The following MYRIP variants were observed in gnomAD, a reference collection of about 807,000 sequenced individuals.
The protein encoded by MYRIP is rab effector MyRIP.
MYRIP carries 49 observed loss-of-function variants against 98.0 expected under a neutral mutation model. The observed-to-expected ratio is 0.50, with a 90% CI of 0.40 to 0.63. MYRIP has a LOEUF of 0.63. Among genes scored for constraint, MYRIP ranks in the 30% least tolerant of loss-of-function variants. MYRIP has a pLI of 0.00. For synonymous variants in MYRIP, 404 were observed against 409.5 expected (o/e 0.99, Z 0.16); for missense variants, 1,004 against 1,058.2 (o/e 0.95, Z 0.71).
intron 1 of MYRIP, among the ~76,000 whole-genome samples, chr3:39,826,272 C>G (rs1941264670): frequency 6.6e-6 from 1 of 151,714 alleles, no homozygotes; most frequent in Admixed American, 6.6e-5. Context: ...TATTTGAAAT[C>G]TTTCTACTTT....
rs1953711840 is a variant in MYRIP at position 40,259,822 on chromosome 3, A to G, written c.*1656A>G. On this transcript the variant is annotated 3_prime_UTR_variant, in exon 17 of 17. Transcript: ENST00000302541. ...AAGCAAAACAAACAAACAAAAACAA[A>G]TTTTAAGAACACAACAAAAAAGATT... 1.3e-5 allele frequency: 2 copies of G among 152,668 alleles called. No homozygotes were observed. Among genetic ancestry groups the G allele is most frequent in the Admixed American group, 1.3e-4 (2 of 15,278 alleles). The allele number at this position is 152,668 out of a possible 1,614,324, so 9.5% of individuals were successfully genotyped here.
intron 1 of MYRIP, among the ~76,000 whole-genome samples, chr3:39,816,329 G>A (rs972943593): frequency 1.6e-4 from 24 of 152,164 alleles, no homozygotes; most frequent in African/African-American, 5.8e-4. Flanking sequence ...TGATCCACCC[G>A]CCTCGGCCTC....
chr3:39,881,353 G>T (rs755988535), intron 1 of MYRIP, among the ~76,000 whole-genome samples: 21 of 152,180 alleles, frequency 1.4e-4, no homozygotes, highest in Non-Finnish European at 2.5e-4. Flanking sequence ...ACCTTAACAA[G>T]TGGGGAGATT....
chr3:40,115,609 C>G (rs1362688291), intron 3 of MYRIP, among the ~76,000 whole-genome samples: 1 of 152,118 alleles, frequency 6.6e-6, no homozygotes, highest in Non-Finnish European at 1.5e-5. Flanking sequence ...GGATACAGAG[C>G]CAAACCACAT....
chr3:39,817,235 A>G (rs1184668059), intron 1 of MYRIP, among the ~76,000 whole-genome samples: 1 of 152,216 alleles, frequency 6.6e-6, no homozygotes, highest in Non-Finnish European at 1.5e-5. Context: ...TAAACCTGGT[A>G]AGGATCGAAA....
chr3:40,137,770 G>A (rs1056332277), intron 3 of MYRIP, among the ~76,000 whole-genome samples: 1 of 152,092 alleles, frequency 6.6e-6, no homozygotes, highest in African/African-American at 2.4e-5. Flanking sequence ...CACATGCTGG[G>A]TGCTCAGTAT....
chr3:40,017,670 ATAAAT>A lies in MYRIP; in HGVS notation c.111-26379_111-26375del, dbSNP rs375127094. ...CCTGGAAAAGAGCTGAGAGTCTAAAATAAATAAAGAAATAATTTACTTCTTTTTTT... is the reference window on the plus strand; with the variant it reads ...CCTGGAAAAGAGCTGAGAGTCTAAAAAAAGAAATAATTTACTTCTTTTTTT... On this transcript the variant is annotated intron_variant, in intron 2 of 16. Transcript: ENST00000302541. Among the ~76,000 whole-genome samples, 243 of 152,000 alleles carry A rather than the reference ATAAAT, an allele frequency of 1.6e-3. 2 individuals are homozygous for A. The highest frequency in any genetic ancestry group is 5.7e-3 in the African/African-American group (238 of 41,430).
intron 1 of MYRIP, among the ~76,000 whole-genome samples, chr3:39,877,691 G>A (rs544203915): frequency 4.6e-5 from 7 of 152,068 alleles, no homozygotes; most frequent in Non-Finnish European, 1.0e-4. Flanking sequence ...CTGTCTGATC[G>A]TTCCTCTGGA....
intron 3 of MYRIP, among the ~76,000 whole-genome samples, chr3:40,077,643 T>C (rs1948377958): frequency 6.8e-6 from 1 of 146,750 alleles, no homozygotes; most frequent in Admixed American, 6.7e-5. Flanking sequence ...AGATACAGAG[T>C]GCCAACTGGT....
At chr3:39,828,327 ACTTAT>A (rs1941335305) in intron 1 of MYRIP, among the ~76,000 whole-genome samples, 1 of 151,706 alleles carries the variant, frequency 6.6e-6, no homozygotes, top group Non-Finnish European at 1.5e-5. Flanking sequence ...ATTTTAAAAA[ACTTAT>A]CTTTAAGTTC....
At chr3:40,019,435 A>G (rs1946942651) in intron 2 of MYRIP, among the ~76,000 whole-genome samples, 1 of 152,074 alleles carries the variant, frequency 6.6e-6, no homozygotes, top group African/African-American at 2.4e-5. Context: ...CTGGCCTAGC[A>G]CAAGCAGCGA....
intron 2 of MYRIP, among the ~76,000 whole-genome samples, chr3:40,007,469 C>T (rs1946659809): frequency 6.6e-6 from 1 of 152,192 alleles, no homozygotes; most frequent in Non-Finnish European, 1.5e-5. Flanking sequence ...CAGGTGTCCT[C>T]TCCTCATCAG....
intron 4 of MYRIP, among the ~76,000 whole-genome samples, chr3:40,154,287 C>T (rs1378897616): frequency 2.6e-5 from 4 of 152,146 alleles, no homozygotes; most frequent in Non-Finnish European, 4.4e-5. Flanking sequence ...AGCAGCTGAC[C>T]AGATTAGGCC....
chr3:39,914,988 A>G (rs146658811), intron 2 of MYRIP, among the ~76,000 whole-genome samples: 2 of 152,198 alleles, frequency 1.3e-5, no homozygotes, highest in Admixed American at 1.3e-4. Flanking sequence ...AAGAATGCAA[A>G]TGTGTTCTAA....
intron 2 of MYRIP, among the ~76,000 whole-genome samples, chr3:39,945,619 C>T (rs1413645205): frequency 6.6e-6 from 1 of 151,986 alleles, no homozygotes; most frequent in East Asian, 1.9e-4. Flanking sequence ...GCCTTCCAGT[C>T]TGTAACCCAA....
At chr3:40,035,939 C>T (rs1301850857) in intron 2 of MYRIP, among the ~76,000 whole-genome samples, 1 of 151,632 alleles carries the variant, frequency 6.6e-6, no homozygotes, top group Non-Finnish European at 1.5e-5. Context: ...AAAATGGAAA[C>T]TAGAACTGAA....
At chr3:39,919,746 G>C (rs1944265621) in intron 2 of MYRIP, among the ~76,000 whole-genome samples, 1 of 151,534 alleles carries the variant, frequency 6.6e-6, no homozygotes, top group Non-Finnish European at 1.5e-5. Context: ...GAGAGAGAGA[G>C]AGAAATTCAT....
chr3:40,078,074 G>A (rs1366650235), intron 3 of MYRIP, among the ~76,000 whole-genome samples: 1 of 152,236 alleles, frequency 6.6e-6, no homozygotes, highest in Admixed American at 6.5e-5. Context: ...CCTGCCCCGC[G>A]GGAAGGCAGC....
intron 11 of MYRIP, among the ~76,000 whole-genome samples, chr3:40,222,126 AG>A (rs1211727573): frequency 6.6e-6 from 1 of 152,248 alleles, no homozygotes; most frequent in Non-Finnish European, 1.5e-5. Flanking sequence ...TAGCAGCAGC[AG>A]AGGTACTGCT....
Sources: gnomAD v4.1 joint callset for allele counts (sites outside exome capture counted in the v4.1 genomes callset) on GRCh38, gnomAD v4.1.1 for gene constraint, MANE v1.5 for transcripts, NCBI Gene and HGNC (gene_info 2026-07-23, HGNC 2026-07-21) for gene names.